Variants in TMTC1 observed in about 807,000 individuals in gnomAD.
The protein encoded by TMTC1 is transmembrane O-mannosyltransferase targeting cadherins 1.
TMTC1 carries 73 observed loss-of-function variants against 104.8 expected under a neutral mutation model. That is an observed-to-expected ratio of 0.70 (90% CI 0.58 to 0.85). TMTC1 has a LOEUF of 0.85. TMTC1 is among the 40% of genes least tolerant of loss of function. TMTC1 has a pLI of 0.00. For synonymous variants in TMTC1, 434 were observed against 428.7 expected, an observed-to-expected ratio of 1.01 and a Z score of -0.15; for missense variants, 1,035 against 1,096.1, an observed-to-expected ratio of 0.94 and a Z score of 0.79.
chr12:29,589,927 T>A (rs890149225), intron 7 of TMTC1, among the ~76,000 whole-genome samples: 1 of 152,194 alleles, frequency 6.6e-6, no homozygotes, highest in East Asian at 1.9e-4. Flanking sequence ...AAGAGTTGAG[T>A]AACTTGCCCA....
chr12:29,709,848 A>G (rs117031870), intron 5 of TMTC1, among the ~76,000 whole-genome samples: 2,835 of 152,282 alleles, frequency 0.019, 38 homozygotes, highest in Middle Eastern at 0.031. Context: ...AACCTGTAGG[A>G]TAGGTTTCTT....
At chr12:29,613,310 C>A (rs1946894090) in intron 6 of TMTC1, among the ~76,000 whole-genome samples, 1 of 152,186 alleles carries the variant, frequency 6.6e-6, no homozygotes, top group Admixed American at 6.5e-5. Flanking sequence ...CAGTGGGAGG[C>A]TGTGGCCTGA....
chr12:29,654,890 G>T lies in TMTC1; in HGVS notation c.939-21554C>A, dbSNP rs182834296. Among the ~76,000 whole-genome samples, 36 of 152,108 alleles carry T rather than the reference G, an allele frequency of 2.4e-4. 1 individual carries two copies. The highest frequency in any genetic ancestry group is 8.4e-4 in the African/African-American group (35 of 41,510). ...CTATTATATGATTCTGTTTTTTGTTGTTGTTGTTGTTTTTAATGGAGTCTT... is the reference window on the plus strand; with the variant it reads ...CTATTATATGATTCTGTTTTTTGTTTTTGTTGTTGTTTTTAATGGAGTCTT... On this transcript the variant is annotated intron_variant, in intron 5 of 17. Coordinates refer to ENST00000539277, the MANE Select transcript of TMTC1 (RefSeq NM_001193451.2).
chr12:29,542,764 G>T (rs965300115), intron 10 of TMTC1, among the ~76,000 whole-genome samples: 4 of 152,022 alleles, frequency 2.6e-5, no homozygotes, highest in Non-Finnish European at 5.9e-5. Flanking sequence ...AGAGAAAGGT[G>T]GCACTGGCTG....
chr12:29,580,863 T>C (rs956242951), intron 8 of TMTC1, among the ~76,000 whole-genome samples: 4 of 152,176 alleles, frequency 2.6e-5, no homozygotes, highest in African/African-American at 7.2e-5. Context: ...TTCATGTGTC[T>C]GCTTCCCATG....
intron 11 of TMTC1, among the ~76,000 whole-genome samples, chr12:29,523,597 A>C (rs1007629021): frequency 6.6e-6 from 1 of 152,198 alleles, no homozygotes; most frequent in African/African-American, 2.4e-5. Flanking sequence ...TTGAGAGGTG[A>C]ACCAAAACTG....
At chr12:29,579,788 AG>A (rs1945925672) in intron 8 of TMTC1, among the ~76,000 whole-genome samples, 1 of 152,242 alleles carries the variant, frequency 6.6e-6, no homozygotes, top group Non-Finnish European at 1.5e-5. Context: ...TCTTACTGTA[AG>A]AATTAAAGAA....
chr12:29,697,000 A>G (rs1264898008), intron 5 of TMTC1, among the ~76,000 whole-genome samples: 4 of 152,236 alleles, frequency 2.6e-5, no homozygotes, highest in African/African-American at 9.6e-5. Context: ...CGTGTACGGC[A>G]TCCTCATTCA....
At chr12:29,780,886 C>T (rs1943820065) in intron 1 of TMTC1, among the ~76,000 whole-genome samples, 1 of 152,106 alleles carries the variant, frequency 6.6e-6, no homozygotes, top group South Asian at 2.1e-4. Flanking sequence ...AAAGTTTTTG[C>T]TCAAACAAGC....
At chr12:29,589,814 AG>A (rs1946233096) in intron 7 of TMTC1, among the ~76,000 whole-genome samples, 1 of 152,360 alleles carries the variant, frequency 6.6e-6, no homozygotes, top group Admixed American at 6.5e-5. Flanking sequence ...CAATATTTGC[AG>A]GGCATGCGGG....
At chr12:29,700,419 T>C (rs1483247555) in intron 5 of TMTC1, among the ~76,000 whole-genome samples, 2 of 151,824 alleles carry the variant, frequency 1.3e-5, no homozygotes, top group Non-Finnish European at 2.9e-5. Context: ...TCCAGGCGGG[T>C]CTCAAACTCC....
chr12:29,674,242 G>A (rs1009013429), intron 5 of TMTC1, among the ~76,000 whole-genome samples: 11 of 152,178 alleles, frequency 7.2e-5, no homozygotes, highest in South Asian at 2.1e-4. Flanking sequence ...GCCTCCCTAG[G>A]TCAAGATAAT....
At chr12:29,540,660 ATTCAATAATTGCT>A (rs2136214385) in intron 10 of TMTC1, among the ~76,000 whole-genome samples, 2 of 141,074 alleles carry the variant, frequency 1.4e-5, no homozygotes, top group South Asian at 4.9e-4. Context: ...CAGAGTAGAA[ATTCAATAATTGCT>A]GCATTCGTTT....
At chr12:29,776,781 T>A (rs1943718987) in intron 1 of TMTC1, among the ~76,000 whole-genome samples, 1 of 152,098 alleles carries the variant, frequency 6.6e-6, no homozygotes, top group African/African-American at 2.4e-5. Context: ...AGGGAAGGCC[T>A]CCGGGATGAA....
At chr12:29,585,870 C>T (rs12303645) in intron 7 of TMTC1, among the ~76,000 whole-genome samples, 3,118 of 152,200 alleles carry the variant, frequency 0.02, 89 homozygotes, top group African/African-American at 0.067. Flanking sequence ...AGTCAGGTAG[C>T]GTGATGCCTC....
chr12:29,736,236 C>A (rs539263925), intron 5 of TMTC1, among the ~76,000 whole-genome samples: 29 of 144,244 alleles, frequency 2.0e-4, no homozygotes, highest in African/African-American at 7.3e-4. Flanking sequence ...GAGCTCCACC[C>A]GTAGTTTCAC....
At chr12:29,705,656 A>G (rs1233980775) in intron 5 of TMTC1, among the ~76,000 whole-genome samples, 5 of 152,172 alleles carry the variant, frequency 3.3e-5, no homozygotes, top group Non-Finnish European at 7.3e-5. Flanking sequence ...ATTCAAAGTC[A>G]TCTCTTTGAG....
At chr12:29,650,787 C>A (rs181651572) in intron 5 of TMTC1, among the ~76,000 whole-genome samples, 4 of 152,260 alleles carry the variant, frequency 2.6e-5, no homozygotes, top group Admixed American at 2.6e-4. Context: ...TGGAGATCTG[C>A]AAGGGCCCAG....
intron 7 of TMTC1, among the ~76,000 whole-genome samples, chr12:29,602,102 G>A (rs1229908970): frequency 6.6e-6 from 1 of 151,518 alleles, no homozygotes; most frequent in Non-Finnish European, 1.5e-5. Flanking sequence ...CCAAAGTGCT[G>A]AGATTACAGG....
Sources: allele counts gnomAD v4.1 joint callset (sites outside exome capture counted in the v4.1 genomes callset), GRCh38; gene constraint gnomAD v4.1.1; transcripts MANE v1.5; gene names NCBI Gene and HGNC (gene_info 2026-07-23, HGNC 2026-07-21).